The following MRTFA variants were observed in gnomAD, a reference collection of about 807,000 sequenced individuals.
The protein encoded by MRTFA is myocardin-related transcription factor A.
A neutral mutation model predicts 83.5 loss-of-function variants in MRTFA; 20 were observed. The observed-to-expected ratio is 0.24, with a 90% confidence interval of 0.17 to 0.35. The LOEUF is 0.35. Ranked by LOEUF, MRTFA falls within the 10% of genes least tolerant of loss-of-function variation. The pLI, the probability that MRTFA is intolerant of heterozygous loss-of-function variation, is 1.00. For synonymous variants in MRTFA, 659 were observed against 541.2 expected, an observed-to-expected ratio of 1.22 and a Z score of -3.02; for missense variants, 1,200 against 1,224.7, an observed-to-expected ratio of 0.98 and a Z score of 0.30.
At chr22:40,441,509 G>A (rs910003929) in intron 4 of MRTFA, among the ~76,000 whole-genome samples, 1 of 152,146 alleles carries the variant, frequency 6.6e-6, no homozygotes, top group African/African-American at 2.4e-5. Context: ...TCCAGGCTGG[G>A]CGCAGTGGCT....
At chr22:40,535,701 A>G (rs115698051) in intron 3 of MRTFA, among the ~76,000 whole-genome samples, 1 of 152,248 alleles carries the variant, frequency 6.6e-6, no homozygotes, top group East Asian at 1.9e-4. Context: ...TTCAAATGAA[A>G]CAAGTTTTCA....
intron 3 of MRTFA, among the ~76,000 whole-genome samples, chr22:40,497,114 C>T (rs1489648784): frequency 1.3e-5 from 2 of 152,158 alleles, no homozygotes; most frequent in Non-Finnish European, 2.9e-5. Context: ...ACGGAGACAG[C>T]CTTGTAACTA....
At chr22:40,534,985 G>T (rs1236244819) in intron 3 of MRTFA, among the ~76,000 whole-genome samples, 1 of 152,214 alleles carries the variant, frequency 6.6e-6, no homozygotes, top group African/African-American at 2.4e-5. Context: ...CAAATTTGGG[G>T]TGAGGGAGAC....
chr22:40,446,095 T>C (rs1434277047), intron 4 of MRTFA, among the ~76,000 whole-genome samples: 6 of 152,216 alleles, frequency 3.9e-5, no homozygotes, highest in Non-Finnish European at 8.8e-5. Flanking sequence ...TCAGGCTGTA[T>C]AACCAGTGAT....
intron 2 of MRTFA, among the ~76,000 whole-genome samples, chr22:40,576,949 C>A (rs1003149466): frequency 6.6e-6 from 1 of 152,168 alleles, no homozygotes; most frequent in African/African-American, 2.4e-5. Flanking sequence ...GAGGCAGTGG[C>A]TCACGCCTGT....
intron 3 of MRTFA, among the ~76,000 whole-genome samples, chr22:40,514,279 AAT>A (rs1369196484): frequency 6.6e-6 from 1 of 151,840 alleles, no homozygotes; most frequent in African/African-American, 2.4e-5. Context: ...TAAATAAATA[AAT>A]AAATAATAAA....
chr22:40,432,467 C>T (rs1198984765), intron 5 of MRTFA, among the ~76,000 whole-genome samples: 1 of 152,024 alleles, frequency 6.6e-6, no homozygotes, highest in African/African-American at 2.4e-5. Context: ...AGTCACAGAG[C>T]CATCCCACCA....
chr22:40,607,927 A>G (rs1028958991), intron 1 of MRTFA, among the ~76,000 whole-genome samples: 1 of 152,262 alleles, frequency 6.6e-6, no homozygotes, highest in Non-Finnish European at 1.5e-5. Context: ...TCTCCAATAT[A>G]ATTAAAGTTG....
intron 3 of MRTFA, among the ~76,000 whole-genome samples, chr22:40,486,979 AAAAC>A (rs1420725927): frequency 6.6e-6 from 1 of 152,212 alleles, no homozygotes; most frequent in African/African-American, 2.4e-5. Flanking sequence ...TCAAAAAACA[AAAAC>A]AAACAAAAGA....
chr22:40,411,114 A>C lies in MRTFA; in HGVS notation c.*276T>G. 1 of 345,434 alleles carries C rather than the reference A, an allele frequency of 2.9e-6. No homozygotes were observed. The highest frequency in any genetic ancestry group is 5.2e-6 in the Non-Finnish European group (1 of 191,236). The allele number at this position is 345,434 out of a possible 1,614,324, so 21.4% of individuals were successfully genotyped here. On this transcript the variant is annotated 3_prime_UTR_variant, in exon 15 of 15. Transcript: ENST00000355630. ...AGACAGTGCCCCCTGACCTCAAAAA[A>C]GGAGGTCAAGCTGAAATGGCCCTGA...
At chr22:40,576,339 T>A (rs555732991) in intron 2 of MRTFA, among the ~76,000 whole-genome samples, 1 of 152,312 alleles carries the variant, frequency 6.6e-6, no homozygotes, top group South Asian at 2.1e-4. Flanking sequence ...CCTAAAGATG[T>A]AATTATTTTT....
intron 4 of MRTFA, among the ~76,000 whole-genome samples, chr22:40,447,917 G>A (rs776323837): frequency 1.3e-5 from 2 of 152,212 alleles, no homozygotes; most frequent in Admixed American, 6.5e-5. Context: ...CGAAGTGTGT[G>A]ATATGCCCGG....
intron 3 of MRTFA, among the ~76,000 whole-genome samples, chr22:40,469,285 G>A (rs1260450246): frequency 1.1e-4 from 16 of 152,160 alleles, no homozygotes; most frequent in Non-Finnish European, 8.8e-5. Flanking sequence ...CAGATGTCCT[G>A]GGAGTGGCTT....
chr22:40,442,874 T>C (rs2053303610), intron 4 of MRTFA, among the ~76,000 whole-genome samples: 1 of 152,062 alleles, frequency 6.6e-6, no homozygotes, highest in South Asian at 2.1e-4. Flanking sequence ...CTCAAAGAAC[T>C]ACAAGTAGTT....
chr22:40,635,482 T>C (rs2056685889), intron 1 of MRTFA, among the ~76,000 whole-genome samples: 1 of 152,180 alleles, frequency 6.6e-6, no homozygotes, highest in African/African-American at 2.4e-5. Flanking sequence ...GTAATTCCAT[T>C]ATTATATTTA....
intron 1 of MRTFA, among the ~76,000 whole-genome samples, chr22:40,615,686 CTT>C (rs59431175): frequency 1.4e-5 from 2 of 142,316 alleles, no homozygotes; most frequent in African/African-American, 2.6e-5. Flanking sequence ...ATTTTCTTTT[CTT>C]TTTTTTTTTT....
intron 3 of MRTFA, among the ~76,000 whole-genome samples, chr22:40,511,267 A>G (rs2054663228): frequency 6.6e-6 from 1 of 152,200 alleles, no homozygotes; most frequent in Non-Finnish European, 1.5e-5. Flanking sequence ...TAGATATGAC[A>G]AGTACAACAA....
intron 6 of MRTFA, among the ~76,000 whole-genome samples, chr22:40,430,114 C>T (rs1053226473): frequency 1.3e-5 from 2 of 152,290 alleles, no homozygotes; most frequent in East Asian, 3.9e-4. Flanking sequence ...CACATCTCTG[C>T]TCTGGTTTTT....
Position 40,616,170 on chromosome 22 carries a change from A to C in MRTFA, c.-84+20308T>G, listed in dbSNP as rs887638788. ...AAGAAATCAGAAGATCAGCAATTCA[A>C]AGTCTACACTCCTTCATGCCAACAA... On this transcript the variant is annotated intron_variant, in intron 1 of 14. Transcript: ENST00000355630. Among the ~76,000 whole-genome samples, 5 of 152,216 alleles carry C rather than the reference A, an allele frequency of 3.3e-5. No homozygotes were observed. The South Asian group carries it at 1.0e-3, about 32-fold the overall frequency.
Sources: allele counts gnomAD v4.1 joint callset (sites outside exome capture counted in the v4.1 genomes callset), GRCh38; gene constraint gnomAD v4.1.1; transcripts MANE v1.5; gene names NCBI Gene and HGNC (gene_info 2026-07-23, HGNC 2026-07-21).